The following ASTN2 variants were observed in gnomAD, a reference collection of about 807,000 sequenced individuals.
ASTN2 encodes astrotactin-2.
Under a neutral mutation model 139.8 loss-of-function variants are expected in ASTN2, and 54 were observed. The observed-to-expected ratio is 0.39, with a 90% CI of 0.31 to 0.48. The LOEUF is 0.48. Ranked by LOEUF, ASTN2 falls within the 20% of genes least tolerant of loss-of-function variation. ASTN2 has a pLI of 0.95. For missense variants in ASTN2, 1,565 were observed against 1,725.1 expected, an observed-to-expected ratio of 0.91 and a Z score of 1.64; for synonymous variants, 756 against 719.5, an observed-to-expected ratio of 1.05 and a Z score of -0.81.
chr9:117,198,192 C>T (rs1215161910), intron 3 of ASTN2, among the ~76,000 whole-genome samples: 1 of 151,906 alleles, frequency 6.6e-6, no homozygotes, highest in Non-Finnish European at 1.5e-5. Context: ...CCCCAACCCT[C>T]CAACAGGCCC....
chr9:116,462,790 G>A (rs938859629), intron 20 of ASTN2, among the ~76,000 whole-genome samples: 2 of 4,942 alleles, frequency 4.0e-4, no homozygotes, highest in African/African-American at 6.8e-4. Context: ...GGGTGAGCAT[G>A]TGTGTGTGTG....
intron 2 of ASTN2, among the ~76,000 whole-genome samples, chr9:117,290,692 T>G (rs537879727): frequency 5.3e-5 from 8 of 152,222 alleles, no homozygotes; most frequent in African/African-American, 1.9e-4. Context: ...TCAGGCTTAG[T>G]AGCCAGATAT....
chr9:116,507,393 C>T (rs750752536), intron 19 of ASTN2, among the ~76,000 whole-genome samples: 5 of 152,118 alleles, frequency 3.3e-5, no homozygotes, highest in African/African-American at 1.2e-4. Context: ...TGAAGACACA[C>T]AGGAGGAGAA....
chr9:116,749,224 G>C (rs1159393901), intron 13 of ASTN2, among the ~76,000 whole-genome samples: 4 of 152,174 alleles, frequency 2.6e-5, no homozygotes, highest in Non-Finnish European at 4.4e-5. Flanking sequence ...GGCAGCTATT[G>C]CTGCTGTAAA....
intron 14 of ASTN2, among the ~76,000 whole-genome samples, chr9:116,733,197 C>G (rs1436497098): frequency 2.0e-5 from 3 of 152,216 alleles, no homozygotes; most frequent in Non-Finnish European, 4.4e-5. Flanking sequence ...AGTCCCAAGT[C>G]TGAGGTCTCA....
intron 11 of ASTN2, among the ~76,000 whole-genome samples, chr9:116,839,520 C>T (rs922014168): frequency 7.2e-5 from 11 of 152,000 alleles, no homozygotes; most frequent in Admixed American, 4.6e-4. Context: ...CGCTCTGTCA[C>T]CCAGGATGGA....
chr9:117,032,503 G>A (rs78674441), intron 6 of ASTN2, among the ~76,000 whole-genome samples: 5,643 of 152,208 alleles, frequency 0.037, 147 homozygotes, highest in Non-Finnish European at 0.054. Flanking sequence ...GGAACTACTC[G>A]TTTTAAATAA....
At chr9:117,047,974 T>C (rs1209903094) in intron 5 of ASTN2, among the ~76,000 whole-genome samples, 1 of 152,190 alleles carries the variant, frequency 6.6e-6, no homozygotes, top group African/African-American at 2.4e-5. Flanking sequence ...AACTTCATGA[T>C]ATTGTTTCTA....
At chr9:116,548,963 C>A (rs1474293085) in intron 19 of ASTN2, among the ~76,000 whole-genome samples, 1 of 152,086 alleles carries the variant, frequency 6.6e-6, no homozygotes, top group Admixed American at 6.6e-5. Context: ...TTTAAGGATT[C>A]TATCAAAGAG....
intron 2 of ASTN2, among the ~76,000 whole-genome samples, chr9:117,229,895 C>T (rs1442766507): frequency 6.6e-6 from 1 of 152,048 alleles, no homozygotes; most frequent in Non-Finnish European, 1.5e-5. Context: ...ATACTCCCAG[C>T]ATGTTGCGAG....
chr9:117,404,832 G>A (rs1391468780), intron 1 of ASTN2, among the ~76,000 whole-genome samples: 1 of 152,018 alleles, frequency 6.6e-6, no homozygotes, highest in Non-Finnish European at 1.5e-5. Context: ...TCTAAGAGTT[G>A]GGAGGAAGGA....
intron 17 of ASTN2, among the ~76,000 whole-genome samples, chr9:116,643,217 TTATTCTTC>T (rs762391900): frequency 3.3e-5 from 5 of 152,286 alleles, no homozygotes; most frequent in East Asian, 1.9e-4. Context: ...TTGTTAGGTT[TTATTCTTC>T]TATTCTTCTA....
At chr9:117,139,100 T>C (rs1830016102) in intron 4 of ASTN2, among the ~76,000 whole-genome samples, 1 of 152,154 alleles carries the variant, frequency 6.6e-6, no homozygotes, top group South Asian at 2.1e-4. Context: ...GGAATATGTA[T>C]GTGTGGAGAG....
At chr9:116,551,817 G>A (rs187039265) in intron 19 of ASTN2, among the ~76,000 whole-genome samples, 61 of 152,268 alleles carry the variant, frequency 4.0e-4, no homozygotes, top group Admixed American at 2.4e-3. Context: ...AGTATGAGAG[G>A]GTAAGAAATC....
At chr9:116,652,688 C>T (rs1033026285) in intron 16 of ASTN2, among the ~76,000 whole-genome samples, 6 of 152,136 alleles carry the variant, frequency 3.9e-5, no homozygotes, top group African/African-American at 1.4e-4. Flanking sequence ...CCAATGAAAT[C>T]AGTTATGAAT....
At chr9:116,913,206 A>G (rs1415516859) in intron 10 of ASTN2, among the ~76,000 whole-genome samples, 2 of 152,212 alleles carry the variant, frequency 1.3e-5, no homozygotes, top group Non-Finnish European at 2.9e-5. Context: ...ACCTGGCCTT[A>G]TCCAGGTAAC....
intron 19 of ASTN2, among the ~76,000 whole-genome samples, chr9:116,597,299 A>ATTTTTGT (rs1554718677): frequency 9.3e-5 from 7 of 75,540 alleles, no homozygotes; most frequent in African/African-American, 2.0e-4. Flanking sequence ...CTTTTGATCT[A>ATTTTTGT]TTTTTTTTTT....
At chr9:116,803,496 A>T (rs866236183) in intron 13 of ASTN2, among the ~76,000 whole-genome samples, 1 of 67,416 alleles carries the variant, frequency 1.5e-5, no homozygotes, top group African/African-American at 4.4e-5. Flanking sequence ...ATATATATAT[A>T]TATATATATA....
Position 116,549,961 on chromosome 9 carries a change from G to A in ASTN2, c.3356-62461C>T, listed in dbSNP as rs375593458. On this transcript the variant is annotated intron_variant, in intron 19 of 22. Transcript: ENST00000313400. The stretch of plus-strand genomic sequence containing the variant: ...ACTACTCCTCACCTTTGCTTATGAT[G>A]TGCTCACTCTCCTACGCAATGGAAC... Among the ~76,000 whole-genome samples the A allele has an allele frequency of 1.9e-4, 29 of 152,232 alleles. 2 individuals are homozygous for A. The highest frequency in any genetic ancestry group is 6.5e-4 in the African/African-American group (27 of 41,538).
Sources: allele counts gnomAD v4.1 joint callset (sites outside exome capture counted in the v4.1 genomes callset), GRCh38; gene constraint gnomAD v4.1.1; transcripts MANE v1.5; gene names NCBI Gene and HGNC (gene_info 2026-07-23, HGNC 2026-07-21).